Variants in LRRC4C observed in about 807,000 individuals in gnomAD.
The protein encoded by LRRC4C is leucine rich repeat containing 4C.
A neutral mutation model predicts 33.6 loss-of-function variants in LRRC4C; 5 were observed. The observed-to-expected ratio is 0.15, with a 90% CI of 0.08 to 0.31. The LOEUF is 0.31. Among genes scored for constraint, LRRC4C ranks in the 10% least tolerant of loss-of-function variants. The pLI is 1.00. For missense variants in LRRC4C, 560 were observed against 796.7 expected (o/e 0.70, Z 3.58); for synonymous variants, 329 against 302.0 (o/e 1.09, Z -0.93).
intron 3 of LRRC4C, among the ~76,000 whole-genome samples, chr11:40,431,085 C>T (rs922254893): frequency 1.2e-5 from 1 of 83,170 alleles, no homozygotes; most frequent in African/African-American, 4.2e-5. Context: ...TACCCTAAAA[C>T]TTAAAGTATA....
intron 3 of LRRC4C, among the ~76,000 whole-genome samples, chr11:40,594,392 G>T (rs1959177706): frequency 6.6e-6 from 1 of 152,166 alleles, no homozygotes; most frequent in Non-Finnish European, 1.5e-5. Flanking sequence ...CCTTGCCCTA[G>T]GGCATGTCTA....
At chr11:41,347,337 G>C (rs116544431) in intron 1 of LRRC4C, among the ~76,000 whole-genome samples, 3 of 152,128 alleles carry the variant, frequency 2.0e-5, no homozygotes, top group Non-Finnish European at 4.4e-5. Context: ...GTTAATACAG[G>C]CATTTAAGGA....
intron 2 of LRRC4C, among the ~76,000 whole-genome samples, chr11:40,772,645 T>C (rs939216016): frequency 3.3e-5 from 5 of 152,164 alleles, no homozygotes; most frequent in African/African-American, 1.2e-4. Context: ...CAAAACTACA[T>C]TGAGATATCA....
chr11:41,139,057 G>A (rs1565418582), intron 1 of LRRC4C, among the ~76,000 whole-genome samples: 1 of 152,034 alleles, frequency 6.6e-6, no homozygotes, highest in African/African-American at 2.4e-5. Flanking sequence ...AAAAAGTATG[G>A]AACAGCTGCA....
At chr11:41,385,472 A>G (rs1196482327) in intron 1 of LRRC4C, among the ~76,000 whole-genome samples, 1 of 151,564 alleles carries the variant, frequency 6.6e-6, no homozygotes, top group Non-Finnish European at 1.5e-5. Flanking sequence ...AAAAAAAACT[A>G]ATTAGAAAAA....
At chr11:40,250,663 C>A (rs540926477) in intron 4 of LRRC4C, among the ~76,000 whole-genome samples, 3 of 152,018 alleles carry the variant, frequency 2.0e-5, no homozygotes, top group Admixed American at 2.0e-4. Flanking sequence ...CGCTTGAACC[C>A]AGGGGAAAGA....
chr11:40,456,709 G>A (rs537093291), intron 3 of LRRC4C, among the ~76,000 whole-genome samples: 2 of 151,958 alleles, frequency 1.3e-5, no homozygotes, highest in African/African-American at 4.8e-5. Flanking sequence ...TCTGTACCCA[G>A]GCTTATGTTA....
chr11:41,106,677 A>G (rs1004799552), intron 1 of LRRC4C, among the ~76,000 whole-genome samples: 4 of 152,060 alleles, frequency 2.6e-5, no homozygotes, highest in African/African-American at 9.7e-5. Context: ...AAGTGTAAAT[A>G]TTTGATACAT....
intron 2 of LRRC4C, among the ~76,000 whole-genome samples, chr11:40,721,644 T>A (rs1459509688): frequency 6.6e-6 from 1 of 152,124 alleles, no homozygotes; most frequent in Non-Finnish European, 1.5e-5. Flanking sequence ...CAATATAGGA[T>A]AAGAAAACAA....
At chr11:40,901,517 A>G (rs1194912637) in intron 2 of LRRC4C, among the ~76,000 whole-genome samples, 2 of 152,082 alleles carry the variant, frequency 1.3e-5, no homozygotes, top group African/African-American at 2.4e-5. Flanking sequence ...TTGATATGGC[A>G]TTTTTCAAAA....
chr11:40,429,966 C>T (rs1950856971), intron 3 of LRRC4C, among the ~76,000 whole-genome samples: 1 of 152,052 alleles, frequency 6.6e-6, no homozygotes, highest in African/African-American at 2.4e-5. Context: ...TTTCAAAGCG[C>T]AGTTATTATT....
chr11:40,928,294 G>C (rs1689432560), intron 2 of LRRC4C, among the ~76,000 whole-genome samples: 2 of 150,624 alleles, frequency 1.3e-5, no homozygotes, highest in South Asian at 4.2e-4. Flanking sequence ...TAAATATTAA[G>C]ATGTCACGGA....
chr11:41,060,145 G>A (rs983307075), intron 1 of LRRC4C, among the ~76,000 whole-genome samples: 22 of 152,130 alleles, frequency 1.4e-4, no homozygotes, highest in Admixed American at 9.8e-4. Flanking sequence ...CTAGCATGTC[G>A]CTCTGTGTCA....
At chr11:40,260,766 C>T (rs1004695633) in intron 4 of LRRC4C, among the ~76,000 whole-genome samples, 1 of 152,130 alleles carries the variant, frequency 6.6e-6, no homozygotes, top group Admixed American at 6.6e-5. Context: ...TGTTTTATTT[C>T]TTTTCGTGAT....
intron 3 of LRRC4C, among the ~76,000 whole-genome samples, chr11:40,398,577 T>C (rs1332855047): frequency 6.6e-6 from 1 of 152,110 alleles, no homozygotes; most frequent in Non-Finnish European, 1.5e-5. Context: ...ATATTTTCTA[T>C]TTTCTTAGTT....
At chr11:40,715,732 A>G (rs1946673315) in intron 2 of LRRC4C, among the ~76,000 whole-genome samples, 1 of 152,232 alleles carries the variant, frequency 6.6e-6, no homozygotes, top group Admixed American at 6.5e-5. Context: ...ATTAAAAAGA[A>G]CAAGGTCTAG....
intron 6 of LRRC4C, among the ~76,000 whole-genome samples, chr11:40,140,387 T>C (rs1286797420): frequency 2.0e-5 from 3 of 152,110 alleles, no homozygotes; most frequent in Non-Finnish European, 4.4e-5. Context: ...TCAGAAATAT[T>C]GCCATGGGAG....
intron 1 of LRRC4C, among the ~76,000 whole-genome samples, chr11:41,433,412 T>C (rs1427359224): frequency 1.3e-5 from 2 of 152,124 alleles, no homozygotes; most frequent in Non-Finnish European, 2.9e-5. Flanking sequence ...TGGGCTTCTA[T>C]AGTGTGATGG....
At chr11:40,152,297 G>T (rs977726866) in intron 5 of LRRC4C, among the ~76,000 whole-genome samples, 1 of 152,198 alleles carries the variant, frequency 6.6e-6, no homozygotes, top group African/African-American at 2.4e-5. Context: ...GAAAGGCCTT[G>T]GGAGTTCGCT....
Sources: gnomAD v4.1 joint callset for allele counts (sites outside exome capture counted in the v4.1 genomes callset) on GRCh38, gnomAD v4.1.1 for gene constraint, MANE v1.5 for transcripts, NCBI Gene and HGNC (gene_info 2026-07-23, HGNC 2026-07-21) for gene names.